Variants in EMC3 observed in about 807,000 individuals in gnomAD.
EMC3 encodes the protein ER membrane protein complex subunit 3.
Under a neutral mutation model 36.6 loss-of-function variants are expected in EMC3, and 13 were observed. That is an observed-to-expected ratio of 0.35 (90% CI 0.23 to 0.56). EMC3 has a LOEUF of 0.56. EMC3 is among the 20% of genes least tolerant of loss of function. The pLI, the probability that EMC3 is intolerant of heterozygous loss-of-function variation, is 0.84. For missense variants in EMC3, 220 were observed against 324.5 expected, an observed-to-expected ratio of 0.68 and a Z score of 2.47; for synonymous variants, 120 against 111.9, an observed-to-expected ratio of 1.07 and a Z score of -0.46.
chr3:10,005,850 A>G lies in EMC3; in HGVS notation c.-242+5173T>C, dbSNP rs2086256383. Among the ~76,000 whole-genome samples, 4 of 152,322 alleles carry G rather than the reference A, an allele frequency of 2.6e-5. 1 individual carries two copies. The South Asian group carries it at 8.3e-4, about 32-fold the overall frequency. On this transcript the variant is annotated intron_variant, in intron 1 of 8. Transcript: ENST00000470827. The stretch of plus-strand genomic sequence containing the variant: ...TTAGAGCACACAAAACAAGAGAGGA[A>G]GTGCTCCACCATCAGAGAACTGTCC...
chr3:9,992,537 A>G (rs1046023135), intron 1 of EMC3, among the ~76,000 whole-genome samples: 16 of 152,210 alleles, frequency 1.1e-4, no homozygotes, highest in African/African-American at 3.9e-4. Context: ...AACTTTTCAC[A>G]AAGTAATTTT....
chr3:10,001,577 C>CAA (rs530876800), intron 1 of EMC3, among the ~76,000 whole-genome samples: 1 of 131,218 alleles, frequency 7.6e-6, no homozygotes. Flanking sequence ...GACTCCGTCT[C>CAA]AAAAAAAAAA....
chr3:9,969,368 T>TA, intron 7 of EMC3: 1 of 1,140,426 alleles, frequency 8.8e-7, no homozygotes, highest in Non-Finnish European at 1.1e-6. Flanking sequence ...AAAAGGCTCT[T>TA]AGTATTGTTT....
chr3:10,008,211 G>T, intron 1 of EMC3: 1 of 372,926 alleles, frequency 2.7e-6, no homozygotes. Flanking sequence ...CATTCCCCAG[G>T]CGTGGCTTTT....
intron 1 of EMC3, among the ~76,000 whole-genome samples, chr3:10,009,555 G>T (rs760165425): frequency 6.6e-6 from 1 of 152,210 alleles, no homozygotes. Flanking sequence ...CCATCTAGAA[G>T]CATCACGGGG....
At chr3:9,989,537 T>C (rs371911800), upstream of EMC3, among the ~76,000 whole-genome samples, 1 of 142,476 alleles carries the variant, frequency 7.0e-6, no homozygotes, top group South Asian at 2.2e-4. Flanking sequence ...AGATTTTTCT[T>C]TGGTTGGAAT....
intron 4 of EMC3, among the ~76,000 whole-genome samples, chr3:9,973,978 T>C (rs1172400422): frequency 2.6e-5 from 4 of 152,150 alleles, no homozygotes; most frequent in Non-Finnish European, 5.9e-5. Flanking sequence ...TGCAGCAAAC[T>C]GTCAAACTCT....
At chr3:9,987,514 G>C (rs1166960236), upstream of EMC3, among the ~76,000 whole-genome samples, 22 of 152,266 alleles carry the variant, frequency 1.4e-4, no homozygotes, top group Non-Finnish European at 2.8e-4. Flanking sequence ...CTCATCTCAC[G>C]TCTGTTGGGC....
intron 7 of EMC3, among the ~76,000 whole-genome samples, chr3:9,964,509 C>A (rs892929400): frequency 6.6e-6 from 1 of 152,210 alleles, no homozygotes; most frequent in Non-Finnish European, 1.5e-5. Context: ...GCGCTTAACC[C>A]GTCTATCAGC....
chr3:9,987,759 A>C (rs142931678), upstream of EMC3: 38 of 462,960 alleles, frequency 8.2e-5, 1 homozygote, highest in East Asian at 1.7e-3. Context: ...GCATTTAGCT[A>C]TTCTCACAAC....
intron 1 of EMC3, among the ~76,000 whole-genome samples, chr3:9,977,826 T>C (rs1030001068): frequency 2.8e-4 from 42 of 151,984 alleles, no homozygotes; most frequent in Non-Finnish European, 7.4e-5. Flanking sequence ...AGAGTGAGGA[T>C]AAAAGAAGGA....
chr3:9,976,811 T>C lies in EMC3; in HGVS notation c.307+146A>G, dbSNP rs1157520105. On this transcript the variant is annotated intron_variant, in intron 3 of 7. Transcript: ENST00000245046. Reference sequence around the variant, plus strand: ...AGAGAATTCCACTTCCATAGATCCCTGTATCAGATGATTTCTAAGGTCTAA... The same window carrying C: ...AGAGAATTCCACTTCCATAGATCCCCGTATCAGATGATTTCTAAGGTCTAA... 1.2e-5 allele frequency: 8 copies of C among 662,796 alleles called. No individual in the cohort carries two copies. The African/African-American group carries it at 1.3e-4, about 10-fold the overall frequency. The allele number at this position is 662,796 out of a possible 1,614,324, so 41.1% of individuals were successfully genotyped here. A position where few individuals can be genotyped will look rare whatever the true frequency, so the allele number is the denominator to read the frequency against.
chr3:9,973,771 T>C, intron 4 of EMC3, 62 bp from the exon 5 acceptor site: 1 of 1,477,348 alleles, frequency 6.8e-7, no homozygotes, highest in Admixed American at 1.7e-5. Context: ...TAAGTGTGAC[T>C]CTTTCTCAGA....
At chr3:9,966,558 G>C (rs984376517) in intron 7 of EMC3, among the ~76,000 whole-genome samples, 1 of 149,490 alleles carries the variant, frequency 6.7e-6, no homozygotes, top group East Asian at 2.0e-4. Context: ...TTTTGAGACA[G>C]AGTGATCTCA....
At chr3:9,984,181 A>C (rs2085943028) in intron 1 of EMC3, among the ~76,000 whole-genome samples, 1 of 151,892 alleles carries the variant, frequency 6.6e-6, no homozygotes, top group South Asian at 2.1e-4. Flanking sequence ...TCCCGGATTC[A>C]AGCGATTCTC....
intron 1 of EMC3, among the ~76,000 whole-genome samples, chr3:9,985,766 G>C (rs2085963885): frequency 6.6e-6 from 1 of 151,854 alleles, no homozygotes; most frequent in Non-Finnish European, 1.5e-5. Flanking sequence ...TGGTGGTGCG[G>C]GCCTGTAATC....
rs1238652397 is a variant in EMC3, at chr3:9,986,472, G to T, written c.155+35C>A. On this transcript the variant is annotated intron_variant, in intron 1 of 7. Coordinates refer to ENST00000245046, the MANE Select transcript of EMC3 (RefSeq NM_001394674.1). ...GCACTTTTTTGCCCAAGGTCACGGC[G>T]GTGTGAGGTAGGCTGGAGAAGGGAG... is the stretch of plus-strand genomic sequence containing the variant. The T allele has an allele frequency of 5.0e-6, 8 of 1,607,718 alleles. 1 individual carries two copies. The highest frequency in any genetic ancestry group is 3.5e-4 in the Middle Eastern group (2 of 5,656).
Position 9,963,876 on chromosome 3 carries a change from A to T in EMC3, c.*193T>A. 1.3e-6 allele frequency: 1 copy of T among 765,452 alleles called. No individual in the cohort carries two copies. The highest frequency in any genetic ancestry group is 2.0e-6 in the Non-Finnish European group (1 of 501,258). 47.4% of individuals were successfully genotyped at this position (765,452 alleles called of 1,614,324 possible). A position where few individuals can be genotyped will look rare whatever the true frequency, so the allele number is the denominator to read the frequency against. ...CATTTACAACATTTTAAAAATAACAAGTTGCCCAGCATACTCCTATTTCCT... is the reference window on the plus strand; with the variant it reads ...CATTTACAACATTTTAAAAATAACATGTTGCCCAGCATACTCCTATTTCCT... On this transcript the variant is annotated 3_prime_UTR_variant, in exon 8 of 8. Transcript: ENST00000245046.
rs12087 is a variant in EMC3, at chr3:9,964,135, C to T, written c.720G>A (p.Glu240=). 6.2e-7 allele frequency: 1 copy of T among 1,614,180 alleles called. No individual in the cohort carries two copies. The change falls in exon 8 of 8, where the codon GAG becomes GAA. Residue 240 remains glutamate (E), a synonymous_variant. Coordinates refer to ENST00000245046, the MANE Select transcript of EMC3 (RefSeq NM_001394674.1). ...CGAAGTGGAGGTCTTTGGCCATGAG[C>T]TCTTCTTCGACATCATCTAGTGCCC... ...HQWALDDVEE[E]LMAKDLHFEG...
Sources: allele counts gnomAD v4.1 joint callset (sites outside exome capture counted in the v4.1 genomes callset), GRCh38; gene constraint gnomAD v4.1.1; transcripts MANE v1.5; gene names NCBI Gene and HGNC (gene_info 2026-07-23, HGNC 2026-07-21).